Variants in SASH1 observed in about 807,000 individuals in gnomAD.
SASH1 encodes the protein SAM and SH3 domain containing 1.
SASH1 carries 44 observed loss-of-function variants against 125.2 expected under a neutral mutation model. That is an observed-to-expected ratio of 0.35 (90% CI 0.28 to 0.45). SASH1 has a LOEUF of 0.45. Among genes scored for constraint, SASH1 ranks in the 20% least tolerant of loss-of-function variants. SASH1 has a pLI of 1.00. For missense variants in SASH1, 1,426 were observed against 1,614.5 expected (o/e 0.88, Z 2.00); for synonymous variants, 639 against 649.1 (o/e 0.98, Z 0.24).
intron 7 of SASH1, among the ~76,000 whole-genome samples, chr6:148,477,057 A>C (rs1249536678): frequency 1.3e-5 from 2 of 152,210 alleles, no homozygotes; most frequent in African/African-American, 2.4e-5. Flanking sequence ...CATATAGAAA[A>C]ATCTAATCAA....
At chr6:148,366,589 C>T (rs1026541979) in intron 1 of SASH1, among the ~76,000 whole-genome samples, 9 of 151,934 alleles carry the variant, frequency 5.9e-5, no homozygotes, top group Non-Finnish European at 1.0e-4. Flanking sequence ...ATAGGGATTC[C>T]ATTTGTTTTG....
intron 2 of SASH1, among the ~76,000 whole-genome samples, chr6:148,436,639 G>T (rs1358005177): frequency 6.6e-6 from 1 of 152,242 alleles, no homozygotes; most frequent in Admixed American, 6.5e-5. Flanking sequence ...AACCCGTGCA[G>T]CCCTAGCATC....
At chr6:148,332,771 A>C (rs1190953579) in intron 1 of SASH1, among the ~76,000 whole-genome samples, 1 of 152,112 alleles carries the variant, frequency 6.6e-6, no homozygotes, top group Non-Finnish European at 1.5e-5. Flanking sequence ...CGGATCACCG[A>C]GGTCAGGAGT....
At chr6:148,521,612 C>CTT (rs901496951) in intron 10 of SASH1, among the ~76,000 whole-genome samples, 11 of 152,178 alleles carry the variant, frequency 7.2e-5, no homozygotes, top group African/African-American at 2.4e-4. Flanking sequence ...GTAGCAGGAA[C>CTT]TTTTCTTCTG....
At chr6:148,429,150 A>G (rs755007026) in intron 2 of SASH1, among the ~76,000 whole-genome samples, 1 of 152,166 alleles carries the variant, frequency 6.6e-6, no homozygotes, top group Non-Finnish European at 1.5e-5. Flanking sequence ...TTCCTAGTGT[A>G]ACTCTGCAAT....
At chr6:148,344,131 T>G (rs1781440228) in intron 1 of SASH1, among the ~76,000 whole-genome samples, 1 of 152,214 alleles carries the variant, frequency 6.6e-6, no homozygotes, top group Admixed American at 6.5e-5. Flanking sequence ...TGTACAGTTT[T>G]TAGCACAGTG....
the SASH1 span, among the ~76,000 whole-genome samples, chr6:148,229,719 CT>C: frequency 0.019 from 2,360 of 121,358 alleles, 18 homozygotes; most frequent in African/African-American, 0.043. Flanking sequence ...CGTCAGAGCA[CT>C]TTTTTTTTTT....
the SASH1 span, among the ~76,000 whole-genome samples, chr6:148,198,957 G>T: frequency 6.6e-6 from 1 of 152,174 alleles, no homozygotes; most frequent in African/African-American, 2.4e-5. Context: ...ATCGGGGCCT[G>T]TGAATATTTC....
Position 148,304,210 on chromosome 6 carries a change from G to A in SASH1, n.74+31833G>A, listed in dbSNP as rs530848935. 2.4e-3 allele frequency among the ~76,000 whole-genome samples: 369 copies of A among 151,996 alleles called. 2 individuals carry two copies. The highest frequency in any genetic ancestry group is 6.8e-3 in the Middle Eastern group (2 of 294). ...TCCCAGCACTTTGGGAGGCCGAGGC[G>A]GGCGGATCACGAGGTCAGAAGATCA... On this transcript the variant is annotated intron_variant and non_coding_transcript_variant, in intron 1 of 3. Coordinates refer to the SASH1 transcript ENST00000367469.
At chr6:148,414,456 C>T (rs931219048) in intron 2 of SASH1, among the ~76,000 whole-genome samples, 9 of 152,242 alleles carry the variant, frequency 5.9e-5, no homozygotes, top group African/African-American at 2.2e-4. Flanking sequence ...TTTAGTCTCT[C>T]TGAGCTTCAG....
At chr6:148,283,618 C>G (rs979990444) in intron 1 of SASH1, among the ~76,000 whole-genome samples, 4 of 151,994 alleles carry the variant, frequency 2.6e-5, no homozygotes, top group African/African-American at 9.7e-5. Flanking sequence ...ACTAAAAATG[C>G]AAAAAATTAG....
intron 12 of SASH1, among the ~76,000 whole-genome samples, chr6:148,528,769 G>C (rs1246505538): frequency 6.6e-6 from 1 of 152,200 alleles, no homozygotes; most frequent in Non-Finnish European, 1.5e-5. Context: ...CGGAGCTGGT[G>C]TAGGTGGTGG....
chr6:148,215,637 G>A, the SASH1 span, among the ~76,000 whole-genome samples: 7 of 151,964 alleles, frequency 4.6e-5, no homozygotes, highest in Admixed American at 4.6e-4. Flanking sequence ...GTAATAAACG[G>A]CCCTCTACGA....
chr6:148,460,574 A>G (rs943606509), intron 4 of SASH1, among the ~76,000 whole-genome samples: 5 of 152,234 alleles, frequency 3.3e-5, no homozygotes, highest in Non-Finnish European at 7.3e-5. Flanking sequence ...GACGGACTCA[A>G]GCCATTTCCC....
At chr6:148,203,321 C>T in the SASH1 span, among the ~76,000 whole-genome samples, 55 of 152,282 alleles carry the variant, frequency 3.6e-4, 1 homozygote, top group African/African-American at 1.3e-3. Context: ...TTTTCCCCTT[C>T]CTTACCTCGT....
intron 2 of SASH1, among the ~76,000 whole-genome samples, chr6:148,421,932 C>G (rs1010321774): frequency 6.6e-6 from 1 of 152,130 alleles, no homozygotes; most frequent in Non-Finnish European, 1.5e-5. Context: ...TTTATCAGCA[C>G]TTTTTATATA....
upstream of SASH1, among the ~76,000 whole-genome samples, chr6:148,339,445 A>G (rs1176772664): frequency 6.6e-6 from 1 of 151,906 alleles, no homozygotes; most frequent in East Asian, 1.9e-4. Flanking sequence ...CAGCTTAAAT[A>G]TCTAGAATAG....
chr6:148,235,529 G>T, the SASH1 span, among the ~76,000 whole-genome samples: 16 of 151,954 alleles, frequency 1.1e-4, no homozygotes, highest in Non-Finnish European at 1.6e-4. Flanking sequence ...GTATTTGTGC[G>T]TGGTTTTACA....
At position 148,551,831 on chromosome 6, in the gene SASH1, T is replaced by C. The variant is rs1479586078; in HGVS notation, c.*3273T>C. On this transcript the variant is annotated 3_prime_UTR_variant, in exon 20 of 20. Coordinates refer to ENST00000367467, the MANE Select transcript of SASH1 (RefSeq NM_015278.5). ...TTCTCCATTGCTGTTCTTAAAAACA[T>C]TGTAAGTAGCTGTAATATACCAGTA... 3 of 152,772 alleles carry C rather than the reference T, an allele frequency of 2.0e-5. No homozygotes were observed. The highest frequency in any genetic ancestry group is 1.9e-4 in the East Asian group (1 of 5,190). 9.5% of individuals were successfully genotyped at this position (152,772 alleles called of 1,614,324 possible). A position where few individuals can be genotyped will look rare whatever the true frequency, so the allele number is the denominator to read the frequency against.
Sources: allele counts gnomAD v4.1 joint callset (sites outside exome capture counted in the v4.1 genomes callset), GRCh38; gene constraint gnomAD v4.1.1; transcripts MANE v1.5; gene names NCBI Gene and HGNC (gene_info 2026-07-23, HGNC 2026-07-21).